Variants in CLIP1 observed in about 807,000 individuals in gnomAD.
The protein encoded by CLIP1 is CAP-Gly domain-containing linker protein 1.
Under a neutral mutation model 161.6 loss-of-function variants are expected in CLIP1, and 66 were observed. The observed-to-expected ratio is 0.41, with a 90% CI of 0.33 to 0.50. CLIP1 has a LOEUF of 0.50. CLIP1 is among the 20% of genes least tolerant of loss of function. CLIP1 has a pLI of 0.27. For synonymous variants in CLIP1, 598 were observed against 626.2 expected, an observed-to-expected ratio of 0.96 and a Z score of 0.67; for missense variants, 1,376 against 1,702.0, an observed-to-expected ratio of 0.81 and a Z score of 3.37.
intron 20 of CLIP1, among the ~76,000 whole-genome samples, chr12:122,289,105 C>T (rs1194810366): frequency 1.3e-5 from 2 of 150,688 alleles, no homozygotes; most frequent in African/African-American, 2.4e-5. Context: ...CGTGAGCCAC[C>T]GCGCCTGGCC....
chr12:122,279,285 G>A lies in CLIP1; in HGVS notation c.3648-140C>T. ...CAGGGAAGTTTTATAGGGAGTTAAG[G>A]CCATTATGCTCACAAAATTTTACTT... On this transcript the variant is annotated intron_variant, in intron 21 of 25. Transcript: ENST00000620786. This position sits in a 1 kb window ranked among gnomAD's most constrained non-coding sequence, Gnocchi z 4.5. The A allele has an allele frequency of 1.9e-6, 1 of 524,104 alleles. No homozygotes were observed. The highest frequency in any genetic ancestry group is 3.2e-6 in the Non-Finnish European group (1 of 311,996). 32.5% of individuals were successfully genotyped at this position (524,104 alleles called of 1,614,324 possible).
At chr12:122,342,473 G>C (rs1952550794) in intron 10 of CLIP1, 1 of 152,214 alleles carries the variant, frequency 6.6e-6, no homozygotes, top group Non-Finnish European at 1.5e-5. Flanking sequence ...CTCATCTGAA[G>C]TGAGGTGTGG....
At position 122,340,865 on chromosome 12, in the gene CLIP1, C is replaced by T. The variant is rs369102215; in HGVS notation, c.2339G>A (p.Arg780Gln). ...EEKLLDLDAL[R>Q]KASSEGKSEM... ...CGATTTACCTTCGGAACTGGCTTTC[C>T]GAAGTGCATCAAGATCCAAGAGCTT... The change falls in exon 11 of 26, where the codon CGG (arginine) becomes CAG (glutamine). Residue 780 changes from arginine (R) to glutamine (Q), a missense_variant. Arg to Gln is a conservative substitution (Grantham distance 43). Around this residue, in one of 6 missense-constraint regions of CLIP1, gnomAD observed 948 missense variants for 1,134.8 expected, o/e 0.84. Coordinates refer to ENST00000620786, the MANE Select transcript of CLIP1 (RefSeq NM_001247997.2). 15 of 1,614,064 alleles carry T rather than the reference C, an allele frequency of 9.3e-6. No individual in the cohort carries two copies. Among genetic ancestry groups the T allele is most frequent in the African/African-American group, 8.0e-5 (6 of 74,934 alleles).
At position 122,328,266 on chromosome 12, in the gene CLIP1, C is replaced by T; in HGVS notation, c.3028G>A (p.Asp1010Asn). 2.5e-6 allele frequency: 4 copies of T among 1,614,018 alleles called. No individual in the cohort carries two copies. The highest frequency in any genetic ancestry group is 3.4e-6 in the Non-Finnish European group (4 of 1,179,990). The change falls in exon 16 of 26, where the codon GAC (aspartate) becomes AAC (asparagine). Residue 1010 changes from aspartate to asparagine, a missense_variant. Asp to Asn is a conservative substitution (Grantham distance 23). Transcript: ENST00000620786. The stretch of plus-strand genomic sequence containing the variant: ...CCCACTGAGTATCTCCTTACCAGGT[C>T]CGACAATTTCCTCTCCAATTCTTTC... ...EKKELERKLSDLEKKMETSHN... is the reference protein window; with the variant it reads ...EKKELERKLSNLEKKMETSHN...
In CLIP1 at chr12:122,276,407, T is replaced by TACACACACACACACACACACACACAC. The variant is rs1555253521; in HGVS notation, c.3966+1746_3966+1747insGTGTGTGTGTGTGTGTGTGTGTGTGT. The TACACACACACACACACACACACACAC allele has an allele frequency of 5.4e-6, 5 of 917,858 alleles. No individual in the cohort carries two copies. In the African/African-American group the frequency reaches 2.0e-4, roughly 38 times the overall value. 56.9% of individuals were successfully genotyped at this position (917,858 alleles called of 1,614,324 possible). A position where few individuals can be genotyped will look rare whatever the true frequency, so the allele number is the denominator to read the frequency against. On this transcript the variant is annotated intron_variant, in intron 24 of 25. Transcript: ENST00000620786. The stretch of plus-strand genomic sequence containing the variant: ...CCACACACACACACACACACACACG[T>TACACACACACACACACACACACACAC]GTGCACGCAAATTAGGAAACATGAA...
At position 122,341,028 on chromosome 12, in the gene CLIP1, C is replaced by T. The variant is rs373375564; in HGVS notation, c.2176G>A (p.Val726Ile). The T allele has an allele frequency of 2.4e-5, 38 of 1,614,126 alleles. No homozygotes were observed. The highest frequency in any genetic ancestry group is 1.7e-4 in the African/African-American group (13 of 75,030). Reference protein sequence around the residue: ...KLDKAEDQHLVEMEDTLNKLQ... With the variant: ...KLDKAEDQHLIEMEDTLNKLQ... Reference sequence around the variant, plus strand: ...TTGTTTAACGTGTCTTCCATTTCTACGAGATGCTGGTCTTCTGCTTTGTCC... The same window carrying T: ...TTGTTTAACGTGTCTTCCATTTCTATGAGATGCTGGTCTTCTGCTTTGTCC... The change falls in exon 11 of 26, where the codon GTA (valine) becomes ATA (isoleucine). Residue 726 changes from valine to isoleucine, a missense_variant. Physicochemically the swap from Val to Ile is conservative, Grantham distance 29. Around this residue, in one of 6 missense-constraint regions of CLIP1, gnomAD observed 948 missense variants for 1,134.8 expected, o/e 0.84. Transcript: ENST00000620786.
chr12:122,390,297 T>C (rs915276799), intron 1 of CLIP1, among the ~76,000 whole-genome samples: 3 of 133,406 alleles, frequency 2.2e-5, no homozygotes, highest in African/African-American at 5.6e-5. Context: ...TATATATATA[T>C]ATATATGTAT....
At chr12:122,359,616 G>C (rs944005009) in intron 5 of CLIP1, among the ~76,000 whole-genome samples, 1 of 152,166 alleles carries the variant, frequency 6.6e-6, no homozygotes, top group Non-Finnish European at 1.5e-5. Flanking sequence ...GAAGATGCAG[G>C]CTTCCTCTTT....
intron 15 of CLIP1, among the ~76,000 whole-genome samples, chr12:122,331,256 G>A (rs113753576): frequency 0.062 from 9,466 of 151,966 alleles, 931 homozygotes; most frequent in African/African-American, 0.22. Context: ...CAGGTGATCC[G>A]CCTACCTCGG....
intron 1 of CLIP1, among the ~76,000 whole-genome samples, chr12:122,390,279 C>CATATATATATATATATATATATACGT (rs1955579143): frequency 1.3e-5 from 1 of 78,984 alleles, no homozygotes; most frequent in South Asian, 4.7e-4. Flanking sequence ...TATATATATA[C>CATATATATATATATATATATATACGT]ATATATATAT....
In CLIP1 at chr12:122,341,086, C is replaced by T. The variant is rs767445731; in HGVS notation, c.2118G>A (p.Lys706=). 10 of 1,613,766 alleles carry T rather than the reference C, an allele frequency of 6.2e-6. No homozygotes were observed. The highest frequency in any genetic ancestry group is 8.5e-6 in the Non-Finnish European group (10 of 1,179,962). Residue 706 remains lysine (K), a synonymous_variant, in exon 11 of 26, where the codon AAG becomes AAA. Transcript: ENST00000620786. Reference sequence around the variant, plus strand: ...ACCTGATGGCTTCCAGACTGTTTTCCTTTTCTTTAATAACTTTCATCAGTT... The same window carrying T: ...ACCTGATGGCTTCCAGACTGTTTTCTTTTTCTTTAATAACTTTCATCAGTT... The part of the protein sequence containing the change: ...RAKLMKVIKE[K]ENSLEAIRSK...
chr12:122,302,591 C>T (rs901871310), intron 20 of CLIP1, among the ~76,000 whole-genome samples: 2 of 152,024 alleles, frequency 1.3e-5, no homozygotes, highest in African/African-American at 4.8e-5. Flanking sequence ...CTAATACTTA[C>T]ACACACGCAC....
chr12:122,403,501 T>G (rs1296039985), intron 1 of CLIP1, among the ~76,000 whole-genome samples: 4 of 49,210 alleles, frequency 8.1e-5, no homozygotes, highest in African/African-American at 3.5e-4. Context: ...CTTGTTTTGT[T>G]TTTTTTTTTT....
Position 122,316,849 on chromosome 12 carries a change from T to C in CLIP1, c.3373A>G (p.Thr1125Ala). The C allele has an allele frequency of 6.5e-6, 10 of 1,547,972 alleles. No homozygotes were observed. Among genetic ancestry groups the C allele is most frequent in the Non-Finnish European group, 7.8e-6 (9 of 1,147,186 alleles). ...TTTTTCAAGTTGTTTTCTTTAAGTG[T>C]GTCCAACTTAAAGACCAAGAGAAAA... The part of the protein sequence containing the change: ...TNAKLQNELD[T>A]LKENNLKNVE... The change falls in exon 19 of 26, where the codon ACA (threonine) becomes GCA (alanine). Residue 1125 changes from threonine (T) to alanine (A), a missense_variant. Transcript: ENST00000620786.
At chr12:122,309,916 A>G in intron 19 of CLIP1, 34 bp from the exon 20 acceptor site, 1 of 1,610,926 alleles carries the variant, frequency 6.2e-7, no homozygotes, top group Non-Finnish European at 8.5e-7. Flanking sequence ...TTACCATAGA[A>G]ACAAGACAGG....
intron 3 of CLIP1, among the ~76,000 whole-genome samples, chr12:122,374,112 C>A (rs532099434): frequency 1.4e-4 from 22 of 151,828 alleles, no homozygotes; most frequent in African/African-American, 5.3e-4. Context: ...CCAAGGAGAG[C>A]GGATCACGAG....
intron 9 of CLIP1, among the ~76,000 whole-genome samples, chr12:122,348,233 G>A (rs1228119288): frequency 6.6e-6 from 1 of 152,138 alleles, no homozygotes; most frequent in Non-Finnish European, 1.5e-5. Flanking sequence ...AGGCTATTGG[G>A]CTCCAGGGAG....
intron 1 of CLIP1, among the ~76,000 whole-genome samples, chr12:122,394,094 A>C (rs1955793958): frequency 6.6e-6 from 1 of 152,120 alleles, no homozygotes; most frequent in Non-Finnish European, 1.5e-5. Flanking sequence ...CAAAGCAATA[A>C]GAAAATTATT....
chr12:122,326,188 G>A (rs1202248027), intron 17 of CLIP1, among the ~76,000 whole-genome samples: 1 of 152,236 alleles, frequency 6.6e-6, no homozygotes, highest in Non-Finnish European at 1.5e-5. Flanking sequence ...GTTTGGAGGG[G>A]AACAGTCCTG....
Sources: allele counts gnomAD v4.1 joint callset (sites outside exome capture counted in the v4.1 genomes callset), GRCh38; gene constraint gnomAD v4.1.1; regional missense constraint gnomAD v4.1.1; non-coding constraint Gnocchi (gnomAD v3.1); transcripts MANE v1.5; gene names NCBI Gene and HGNC (gene_info 2026-07-23, HGNC 2026-07-21).